Variants in ESRRG observed in about 807,000 individuals in gnomAD.
The protein encoded by ESRRG is estrogen related receptor gamma.
A neutral mutation model predicts 44.0 loss-of-function variants in ESRRG; 13 were observed. The ratio of observed to expected loss-of-function variants is 0.30; its 90% CI spans 0.19 to 0.47. The LOEUF (loss-of-function observed/expected upper bound fraction) is 0.47, where lower values mean the gene tolerates loss of function less well. Among genes scored for constraint, ESRRG ranks in the 20% least tolerant of loss-of-function variants. The pLI, the probability that ESRRG is intolerant of heterozygous loss-of-function variation, is 1.00. For synonymous variants in ESRRG, 215 were observed against 214.6 expected, an observed-to-expected ratio of 1.00 and a Z score of -0.02; for missense variants, 395 against 580.6, an observed-to-expected ratio of 0.68 and a Z score of 3.29.
At chr1:216,620,615 CCTCTAATT>C (rs2062065811) in intron 3 of ESRRG, among the ~76,000 whole-genome samples, 3 of 152,148 alleles carry the variant, frequency 2.0e-5, no homozygotes, top group Non-Finnish European at 4.4e-5. Flanking sequence ...CCTCCCTTCA[CCTCTAATT>C]CATTCACATT....
intron 1 of ESRRG, among the ~76,000 whole-genome samples, chr1:217,019,055 C>T (rs1444736146): frequency 2.0e-5 from 3 of 152,100 alleles, no homozygotes; most frequent in African/African-American, 4.8e-5. Flanking sequence ...GAAAAGCCAC[C>T]ACTCACTAAC....
In ESRRG at chr1:216,564,284, G is replaced by A; in HGVS notation, c.797C>T (p.Thr266Ile). The A allele has an allele frequency of 3.1e-6, 5 of 1,612,074 alleles. No homozygotes were observed. The highest frequency in any genetic ancestry group is 4.2e-6 in the Non-Finnish European group (5 of 1,178,830). The change falls in exon 5 of 7, where the codon ACT becomes ATT. Residue 266 changes from threonine (T) to isoleucine (I), a missense_variant. By Grantham distance (89) the Thr-to-Ile change is moderately conservative (BLOSUM62 -1). Around this residue, in one of 5 missense-constraint regions of ESRRG, gnomAD observed 167 missense variants for 251.8 expected, o/e 0.66. Coordinates refer to ENST00000408911, the MANE Select transcript of ESRRG (RefSeq NM_001438.4). Reference protein sequence around the residue: ...TVPDSDIKALTTLCDLADREL... With the variant: ...TVPDSDIKALITLCDLADREL... ...TCGGTCGGCCAAGTCACACAGTGTA[G>A]TGAGGGCTTTGATGTCACTGTCGGG...
At chr1:216,757,253 G>A (rs11572642) in intron 2 of ESRRG, among the ~76,000 whole-genome samples, 556 of 152,012 alleles carry the variant, frequency 3.7e-3, no homozygotes, top group African/African-American at 0.013. Flanking sequence ...TCCTGCTTGA[G>A]TGACATCCTA....
chr1:216,866,333 T>TATAGCA (rs1208572793), intron 2 of ESRRG, among the ~76,000 whole-genome samples: 17 of 152,210 alleles, frequency 1.1e-4, no homozygotes, highest in Admixed American at 1.1e-3. Context: ...ATGGTGCAAC[T>TATAGCA]ATAGCAATAC....
chr1:216,564,027 G>C (rs543498793), intron 5 of ESRRG, among the ~76,000 whole-genome samples, 192 bp downstream of exon 5: 4 of 151,888 alleles, frequency 2.6e-5, no homozygotes, highest in Admixed American at 2.0e-4. Context: ...AACTCAAGGT[G>C]GTACCAATAT....
At chr1:216,616,487 T>C (rs1036723331) in intron 3 of ESRRG, among the ~76,000 whole-genome samples, 4 of 152,258 alleles carry the variant, frequency 2.6e-5, no homozygotes, top group Non-Finnish European at 4.4e-5. Flanking sequence ...CATCGATTTC[T>C]CTACATTTTG....
chr1:216,570,086 T>C (rs1185375221), intron 3 of ESRRG, among the ~76,000 whole-genome samples: 1 of 152,214 alleles, frequency 6.6e-6, no homozygotes, highest in Non-Finnish European at 1.5e-5. Context: ...CAATTTTTCA[T>C]ATTATCTTAA....
chr1:217,020,685 G>A lies in ESRRG; in HGVS notation c.-106+68822C>T, dbSNP rs181635531. On this transcript the variant is annotated intron_variant, in intron 1 of 7. Transcript: ENST00000359162. ...ATGGGACAGAGGAGCTCTTTCTCTC[G>A]TTTAAGACTTATAAGGTGCTGTTGA... Among the ~76,000 whole-genome samples, 196 of 152,230 alleles carry A rather than the reference G, an allele frequency of 1.3e-3. 1 individual carries two copies. The highest frequency in any genetic ancestry group is 3.5e-3 in the Admixed American group (54 of 15,302).
intron 1 of ESRRG, among the ~76,000 whole-genome samples, chr1:216,704,303 C>T (rs1408386063): frequency 2.0e-5 from 3 of 152,118 alleles, no homozygotes; most frequent in African/African-American, 7.2e-5. Context: ...CACCTGAGGT[C>T]AGGCGTTCAA....
At chr1:216,885,481 A>G (rs2096501855) in intron 2 of ESRRG, among the ~76,000 whole-genome samples, 1 of 151,996 alleles carries the variant, frequency 6.6e-6, no homozygotes, top group Admixed American at 6.6e-5. Context: ...CATTTTATCC[A>G]TCTATAAATT....
At chr1:217,086,084 T>C (rs752308041) in intron 1 of ESRRG, among the ~76,000 whole-genome samples, 85 of 152,344 alleles carry the variant, frequency 5.6e-4, no homozygotes, top group Non-Finnish European at 9.7e-4. Flanking sequence ...AATCACAATA[T>C]TATGAAACTT....
intron 3 of ESRRG, among the ~76,000 whole-genome samples, chr1:216,572,754 A>G (rs2061038234): frequency 6.6e-6 from 1 of 152,058 alleles, no homozygotes; most frequent in East Asian, 1.9e-4. Context: ...AGCAAATTTT[A>G]TAGTGATAAA....
chr1:216,594,383 A>G (rs2058134184), intron 3 of ESRRG, among the ~76,000 whole-genome samples: 1 of 152,188 alleles, frequency 6.6e-6, no homozygotes, highest in African/African-American at 2.4e-5. Context: ...TACTATTCCA[A>G]ATTAGAATAT....
intron 2 of ESRRG, among the ~76,000 whole-genome samples, chr1:216,775,551 C>CTTTTTTTTTTTTTTTTTTTTTTTT (rs71163765): frequency 1.3e-5 from 1 of 74,786 alleles, no homozygotes; most frequent in Non-Finnish European, 2.8e-5. Context: ...AATGTCACAT[C>CTTTTTTTTTTTTTTTTTTTTTTTT]TTTTTTTTTT....
At chr1:217,071,150 T>C (rs1173851039) in intron 1 of ESRRG, among the ~76,000 whole-genome samples, 2 of 152,222 alleles carry the variant, frequency 1.3e-5, no homozygotes, top group African/African-American at 4.8e-5. Flanking sequence ...ATAGCAAAAT[T>C]AAATTGCTTT....
chr1:216,677,591 A>C, intron 1 of ESRRG, 100 bp from the exon 2 acceptor site: 1 of 973,900 alleles, frequency 1.0e-6, no homozygotes, highest in Non-Finnish European at 1.5e-6. Context: ...AAAATAGAGA[A>C]AGGGAAAGGG....
At chr1:217,085,465 T>TTTTTC (rs1441400861) in intron 1 of ESRRG, among the ~76,000 whole-genome samples, 1 of 149,640 alleles carries the variant, frequency 6.7e-6, no homozygotes, top group African/African-American at 2.5e-5. Context: ...TTTTTCTTTC[T>TTTTTC]TTTTCTTTTC....
rs72739410 is a variant in ESRRG at position 216,751,996 on chromosome 1, G to A, written c.-13-74505C>T. 4.8e-3 allele frequency among the ~76,000 whole-genome samples: 733 copies of A among 152,126 alleles called. 2 individuals are homozygous for A. Among genetic ancestry groups the A allele is most frequent in the Non-Finnish European group, 7.6e-3 (518 of 67,986 alleles). ...CCATCTGGTCGTCCACTCTCTACAC[G>A]ATAAAGGCCATCATCCTTGCTCTGT... On this transcript the variant is annotated intron_variant, in intron 2 of 7. Coordinates refer to the ESRRG transcript ENST00000359162.
At chr1:216,722,027 G>T (rs1575753012) in intron 1 of ESRRG, among the ~76,000 whole-genome samples, 1 of 152,088 alleles carries the variant, frequency 6.6e-6, no homozygotes, top group South Asian at 2.1e-4. Flanking sequence ...TCACACTCAC[G>T]CTCAAACATA....
Sources: gnomAD v4.1 joint callset for allele counts (sites outside exome capture counted in the v4.1 genomes callset) on GRCh38, gnomAD v4.1.1 for gene constraint, gnomAD v4.1.1 regional missense constraint, MANE v1.5 for transcripts, NCBI Gene and HGNC (gene_info 2026-07-23, HGNC 2026-07-21) for gene names.